SVIL: variants seen among roughly 807,000 people sequenced by gnomAD.
SVIL encodes the protein supervillin.
In SVIL, 101 loss-of-function variants were observed where a neutral mutation model predicts 240.4. The observed-to-expected ratio is 0.42, with a 90% CI of 0.36 to 0.50. SVIL has a LOEUF of 0.50. SVIL is among the 20% of genes least tolerant of loss of function. The pLI, the probability that SVIL is intolerant of heterozygous loss-of-function variation, is 0.01. For synonymous variants in SVIL, 999 were observed against 1,100.0 expected, an observed-to-expected ratio of 0.91 and a Z score of 1.82; for missense variants, 2,512 against 2,818.7, an observed-to-expected ratio of 0.89 and a Z score of 2.46.
chr10:29,497,057 C>A (rs1948500028), intron 18 of SVIL, among the ~76,000 whole-genome samples: 1 of 152,124 alleles, frequency 6.6e-6, no homozygotes, highest in African/African-American at 2.4e-5. Flanking sequence ...GCAAATGGTA[C>A]CTCATTCTGT....
chr10:29,672,435 C>G (rs1225880233), intron 2 of SVIL, among the ~76,000 whole-genome samples: 1 of 144,224 alleles, frequency 6.9e-6, no homozygotes, highest in East Asian at 1.9e-4. Flanking sequence ...GATCACACCG[C>G]TGTGCTTCAG....
chr10:29,592,268 A>C (rs1174915539), intron 1 of SVIL, among the ~76,000 whole-genome samples: 2 of 152,232 alleles, frequency 1.3e-5, no homozygotes, highest in Admixed American at 6.5e-5. Context: ...AGAAAGAAAG[A>C]AAAAAGGGGA....
chr10:29,458,321 T>C lies in SVIL; in HGVS notation c.6571A>G (p.Met2191Val), dbSNP rs1220030996. ...AGGGCGTTGTATTCATCCCTCGTCA[T>C]GTCTAGTGCAAACTGGAAACATTGG... is the stretch of plus-strand genomic sequence containing the variant. The part of the protein sequence containing the change: ...TDEDFEFALD[M>V]TRDEYNALPA... Residue 2191 changes from methionine to valine, a missense_variant, in exon 38 of 38, where the codon ATG (methionine) becomes GTG (valine). By Grantham distance (21) the Met-to-Val change is conservative. Transcript: ENST00000355867. The C allele has an allele frequency of 2.5e-6, 4 of 1,614,122 alleles. No individual in the cohort carries two copies. In the East Asian group the frequency reaches 8.9e-5, roughly 36 times the overall value.
At chr10:29,726,197 C>T (rs1237917324) in intron 1 of SVIL, among the ~76,000 whole-genome samples, 1 of 152,134 alleles carries the variant, frequency 6.6e-6, no homozygotes, top group Non-Finnish European at 1.5e-5. Context: ...GCTGGGATTA[C>T]AGGCATGCAC....
In SVIL at chr10:29,499,149, G is replaced by A; in HGVS notation, c.3631C>T (p.Gln1211Ter). Reference sequence around the variant, plus strand: ...ACCATCCTGCCAGCCACAGTGAACTGGGTCGAGTCGTTGGCCGCTCCTCTG... The same window carrying A: ...ACCATCCTGCCAGCCACAGTGAACTAGGTCGAGTCGTTGGCCGCTCCTCTG... ...RGRGAANDST[Q>*]FTVAGRMVKK... The change falls in exon 18 of 38, where the codon CAG becomes TAG. Residue 1211 changes from glutamine to a stop codon, truncating the protein, a stop_gained. Transcript: ENST00000355867. LOFTEE classifies it high-confidence loss of function. The A allele has an allele frequency of 6.2e-7, 1 of 1,613,910 alleles. No homozygotes were observed. The highest frequency in any genetic ancestry group is 8.5e-7 in the Non-Finnish European group (1 of 1,179,988).
chr10:29,487,612 A>T, intron 23 of SVIL: 1 of 235,120 alleles, frequency 4.3e-6, no homozygotes, highest in Non-Finnish European at 8.3e-6. Flanking sequence ...TCCCTCCTTC[A>T]CTCTTCTCCC....
intron 13 of SVIL, among the ~76,000 whole-genome samples, chr10:29,526,665 A>G (rs1282593689): frequency 1.3e-5 from 2 of 152,176 alleles, no homozygotes. Context: ...GAAGAACAAA[A>G]TTTTTGAGGG....
chr10:29,728,679 A>G (rs1444092351), intron 1 of SVIL, among the ~76,000 whole-genome samples: 2 of 152,194 alleles, frequency 1.3e-5, no homozygotes, highest in Non-Finnish European at 2.9e-5. Flanking sequence ...CATGTATTGG[A>G]AACCCTGGGA....
intron 1 of SVIL, among the ~76,000 whole-genome samples, chr10:29,689,705 C>A (rs890782320): frequency 1.4e-4 from 22 of 152,334 alleles, no homozygotes; most frequent in African/African-American, 5.1e-4. Context: ...GGAAGCACAC[C>A]TTCAAAATAC....
rs535422364 is a variant in SVIL, at chr10:29,717,430, G to A, written c.-400+18321C>T. On this transcript the variant is annotated intron_variant, in intron 1 of 35. Coordinates refer to the SVIL transcript ENST00000375400. Reference sequence around the variant, plus strand: ...TTTCATAAGAGAAGTAAAAAATAATGGTTTCATACATTTTTGTAACTTGAA... The same window carrying A: ...TTTCATAAGAGAAGTAAAAAATAATAGTTTCATACATTTTTGTAACTTGAA... 2.0e-5 allele frequency among the ~76,000 whole-genome samples: 3 copies of A among 151,828 alleles called. No individual in the cohort carries two copies. In the East Asian group the frequency reaches 5.8e-4, roughly 29 times the overall value.
Position 29,467,757 on chromosome 10 carries a change from C to G in SVIL, c.5962G>C (p.Asp1988His). ...GCCACATTACCTTGAAGCATGCAAT[C>G]GTAGGCTTTCCTGTCTCTCCTTCCT... ...ALGRRDRKAY[D>H]CMLQDPGSFN... is the part of the protein sequence containing the mutation. The change falls in exon 33 of 38, where the codon GAT (aspartate) becomes CAT (histidine). Residue 1988 changes from aspartate (D) to histidine (H), a missense_variant. Asp to His is a moderately conservative substitution (Grantham distance 81). This residue lies in a region of SVIL where 797 missense variants were observed against 925.3 expected (regional missense o/e 0.86). Coordinates refer to ENST00000355867, the MANE Select transcript of SVIL (RefSeq NM_021738.3). 1 of 1,614,132 alleles carries G rather than the reference C, an allele frequency of 6.2e-7. No individual in the cohort carries two copies. Among genetic ancestry groups the G allele is most frequent in the Non-Finnish European group, 8.5e-7 (1 of 1,180,018 alleles).
chr10:29,463,452 C>A (rs1170271393), intron 35 of SVIL, 40 bp downstream of exon 35: 1 of 1,598,552 alleles, frequency 6.3e-7, no homozygotes. Context: ...GGGGCTTCCC[C>A]ATCTGTTCCG....
At chr10:29,622,944 C>T (rs1367256021) in intron 1 of SVIL, among the ~76,000 whole-genome samples, 2 of 152,144 alleles carry the variant, frequency 1.3e-5, no homozygotes, top group African/African-American at 4.8e-5. Context: ...ATCCATAATT[C>T]AAAATGCAGA....
At chr10:29,543,582 T>A (rs1161280207) in intron 6 of SVIL, among the ~76,000 whole-genome samples, 23 of 152,168 alleles carry the variant, frequency 1.5e-4, no homozygotes, top group Non-Finnish European at 1.5e-5. Flanking sequence ...AATTTCACCT[T>A]GTTAGTTTCT....
chr10:29,597,553 C>A (rs1956644342), intron 1 of SVIL, among the ~76,000 whole-genome samples: 1 of 152,232 alleles, frequency 6.6e-6, no homozygotes, highest in Middle Eastern at 3.4e-3. Flanking sequence ...GTGCCCACCA[C>A]CACGCCTGGC....
intron 1 of SVIL, among the ~76,000 whole-genome samples, chr10:29,613,281 G>C (rs1957316749): frequency 6.6e-6 from 1 of 151,918 alleles, no homozygotes; most frequent in African/African-American, 2.4e-5. Context: ...TGAGTAAATA[G>C]GTCTGGGTGG....
chr10:29,712,586 A>C (rs2132671680), intron 1 of SVIL, among the ~76,000 whole-genome samples: 1 of 152,314 alleles, frequency 6.6e-6, no homozygotes, highest in Middle Eastern at 3.4e-3. Context: ...CTTCTTTATA[A>C]ATTACCCAAC....
chr10:29,602,485 T>C (rs1956852687), intron 1 of SVIL: 1 of 246,692 alleles, frequency 4.1e-6, no homozygotes, highest in Non-Finnish European at 8.4e-6. Context: ...AAGTGTTCAC[T>C]GCCAGAATGA....
chr10:29,591,172 A>C (rs1430045935), intron 1 of SVIL, among the ~76,000 whole-genome samples: 3 of 152,188 alleles, frequency 2.0e-5, no homozygotes, highest in Non-Finnish European at 4.4e-5. Context: ...CTTTTTTAAT[A>C]TATGTGAAGT....
Sources: allele counts gnomAD v4.1 joint callset (sites outside exome capture counted in the v4.1 genomes callset), GRCh38; gene constraint gnomAD v4.1.1; regional missense constraint gnomAD v4.1.1; transcripts MANE v1.5; gene names NCBI Gene and HGNC (gene_info 2026-07-23, HGNC 2026-07-21).